The following GSE1 variants were observed in gnomAD, a reference collection of about 807,000 sequenced individuals.
The protein encoded by GSE1 is Gse1 coiled-coil protein.
In GSE1, 32 loss-of-function variants were observed where a neutral mutation model predicts 112.6. That is an observed-to-expected ratio of 0.28 (90% CI 0.21 to 0.38). The LOEUF (loss-of-function observed/expected upper bound fraction) is 0.38. Among genes scored for constraint, GSE1 ranks in the 10% least tolerant of loss-of-function variants. GSE1 has a pLI of 1.00. For synonymous variants in GSE1, 1,115 were observed against 735.6 expected, an observed-to-expected ratio of 1.52 and a Z score of -8.35; for missense variants, 2,348 against 1,699.2, an observed-to-expected ratio of 1.38 and a Z score of -6.71.
intron 2 of GSE1, among the ~76,000 whole-genome samples, chr16:85,422,993 C>A (rs1243774276): frequency 6.6e-6 from 1 of 152,192 alleles, no homozygotes; most frequent in African/African-American, 2.4e-5. Flanking sequence ...TAAATAGCAC[C>A]TGTAAACACC....
intron 3 of GSE1, among the ~76,000 whole-genome samples, chr16:85,651,223 C>T (rs1433558992): frequency 6.6e-6 from 1 of 151,842 alleles, no homozygotes; most frequent in South Asian, 2.1e-4. Context: ...ATCGGGGTGC[C>T]TTTGGGGTAG....
At chr16:85,507,923 C>T (rs2051594202) in intron 2 of GSE1, among the ~76,000 whole-genome samples, 1 of 152,180 alleles carries the variant, frequency 6.6e-6, no homozygotes, top group Admixed American at 6.5e-5. Context: ...TTTCTATGGG[C>T]TGAGCTCACC....
chr16:85,298,229 C>T (rs1055062230), intron 1 of GSE1, among the ~76,000 whole-genome samples: 1 of 152,130 alleles, frequency 6.6e-6, no homozygotes, highest in Non-Finnish European at 1.5e-5. Context: ...GTGCAGGGCC[C>T]TCTGAGTCTG....
intron 2 of GSE1, among the ~76,000 whole-genome samples, chr16:85,379,176 C>T (rs973082369): frequency 2.0e-5 from 3 of 152,326 alleles, no homozygotes; most frequent in Middle Eastern, 3.4e-3. Context: ...GCTGCCCCTC[C>T]CTGGGCCTCA....
intron 13 of GSE1, among the ~76,000 whole-genome samples, chr16:85,667,833 G>T (rs918142436): frequency 1.3e-5 from 2 of 152,192 alleles, no homozygotes; most frequent in African/African-American, 4.8e-5. Flanking sequence ...TCTCCAGCCT[G>T]CTACCCAGAG....
At chr16:85,420,120 C>T (rs762983093) in intron 2 of GSE1, among the ~76,000 whole-genome samples, 33 of 151,862 alleles carry the variant, frequency 2.2e-4, no homozygotes, top group Non-Finnish European at 4.1e-4. Flanking sequence ...CGGGTGGTGG[C>T]TCATGCCTAT....
At chr16:85,239,052 C>T (rs1199945309) in intron 1 of GSE1, among the ~76,000 whole-genome samples, 2 of 152,098 alleles carry the variant, frequency 1.3e-5, no homozygotes, top group East Asian at 1.9e-4. Context: ...CTCAGCCTCC[C>T]GAGCAGCTGG....
At chr16:85,242,535 G>A (rs1905247288) in intron 1 of GSE1, among the ~76,000 whole-genome samples, 1 of 152,390 alleles carries the variant, frequency 6.6e-6, no homozygotes, top group South Asian at 2.1e-4. Flanking sequence ...AGTGTGGACA[G>A]CGTTGTCACC....
chr16:85,450,438 C>A (rs1451880138), intron 2 of GSE1, among the ~76,000 whole-genome samples: 1 of 149,710 alleles, frequency 6.7e-6, no homozygotes, highest in African/African-American at 2.5e-5. Context: ...TTTTTTATTT[C>A]TTTATTTTTT....
At chr16:85,170,380 G>A (rs566573495) in exon 1 of GSE1, 1 of 985,528 alleles carries the variant, frequency 1.0e-6, no homozygotes, top group South Asian at 4.7e-5. Flanking sequence ...TCTTGTCCAA[G>A]AGGCCCCTGC....
intron 2 of GSE1, among the ~76,000 whole-genome samples, chr16:85,482,904 G>C (rs1445216803): frequency 6.6e-6 from 1 of 151,854 alleles, no homozygotes; most frequent in African/African-American, 2.4e-5. Context: ...CTTGAACCCA[G>C]GAGGCAGAGG....
intron 2 of GSE1, among the ~76,000 whole-genome samples, chr16:85,426,727 T>TGGATGGTA (rs1311132749): frequency 6.6e-6 from 1 of 151,136 alleles, no homozygotes; most frequent in Non-Finnish European, 1.5e-5. Flanking sequence ...GATGGATGGA[T>TGGATGGTA]GGTAGATGGA....
chr16:85,530,494 G>A (rs1209002838), intron 2 of GSE1, among the ~76,000 whole-genome samples: 2 of 152,158 alleles, frequency 1.3e-5, no homozygotes, highest in African/African-American at 2.4e-5. Context: ...TGGGGGTGGA[G>A]GAGGCTGTGG....
At chr16:85,628,487 C>CT (rs2049264305) in intron 1 of GSE1, among the ~76,000 whole-genome samples, 1 of 152,136 alleles carries the variant, frequency 6.6e-6, no homozygotes, top group Non-Finnish European at 1.5e-5. Flanking sequence ...GATAGTGACA[C>CT]TGAGGTAGCC....
chr16:85,281,339 C>T (rs1457624978), intron 1 of GSE1, among the ~76,000 whole-genome samples: 3 of 151,938 alleles, frequency 2.0e-5, no homozygotes, highest in Non-Finnish European at 2.9e-5. Context: ...CGTTCACACC[C>T]TCCAAACCCC....
intron 1 of GSE1, among the ~76,000 whole-genome samples, chr16:85,314,447 G>A (rs1334314101): frequency 6.6e-6 from 1 of 152,204 alleles, no homozygotes; most frequent in Non-Finnish European, 1.5e-5. Flanking sequence ...ATGAAGGGAT[G>A]TGAGGAACAG....
At chr16:85,556,254 G>A in exon 1 of GSE1, 3 of 983,954 alleles carry the variant, frequency 3.0e-6, no homozygotes, top group Non-Finnish European at 3.6e-6. Context: ...GGTGCTTTTT[G>A]TTCATTCCTG....
At chr16:85,632,015 G>A (rs1454758549) in intron 1 of GSE1, among the ~76,000 whole-genome samples, 1 of 152,254 alleles carries the variant, frequency 6.6e-6, no homozygotes, top group Non-Finnish European at 1.5e-5. Flanking sequence ...GCTGGCCGAG[G>A]ACGGGCCCTC....
At chr16:85,429,956 T>A (rs919162712) in intron 2 of GSE1, among the ~76,000 whole-genome samples, 3 of 152,248 alleles carry the variant, frequency 2.0e-5, no homozygotes, top group Non-Finnish European at 4.4e-5. Flanking sequence ...CCCAGGACTG[T>A]GAACAGAGCC....
Sources: allele counts gnomAD v4.1 joint callset (sites outside exome capture counted in the v4.1 genomes callset), GRCh38; gene constraint gnomAD v4.1.1; transcripts MANE v1.5; gene names NCBI Gene and HGNC (gene_info 2026-07-23, HGNC 2026-07-21).